Variants in LAMA4 observed in about 807,000 individuals in gnomAD.
The protein encoded by LAMA4 is laminin subunit alpha-4.
LAMA4 carries 127 observed loss-of-function variants against 207.1 expected under a neutral mutation model. The observed-to-expected ratio is 0.61, with a 90% CI of 0.53 to 0.71. The LOEUF is 0.71. LAMA4 is among the 30% of genes least tolerant of loss of function. LAMA4 has a pLI of 0.00. For missense variants in LAMA4, 2,093 were observed against 2,246.5 expected (o/e 0.93, Z 1.38); for synonymous variants, 761 against 816.0 (o/e 0.93, Z 1.15).
Position 112,174,484 on chromosome 6 carries a change from T to C in LAMA4, c.1357+829A>G, listed in dbSNP as rs532031544. The stretch of plus-strand genomic sequence containing the variant: ...TGGTTATTGTTTTAAATGAATACAT[T>C]TGGGGTGGTTTTTGTTTTGTTTTGT... On this transcript the variant is annotated intron_variant, in intron 11 of 38. Coordinates refer to ENST00000230538, the MANE Select transcript of LAMA4 (RefSeq NM_001105206.3). 1.2e-4 allele frequency among the ~76,000 whole-genome samples: 19 copies of C among 152,258 alleles called. No homozygotes were observed. The South Asian group carries it at 3.9e-3, about 32-fold the overall frequency.
rs781858392 is a variant in LAMA4 at position 112,148,244 on chromosome 6, C to T, written c.2266G>A (p.Ala756Thr). 1.2e-6 allele frequency: 2 copies of T among 1,614,156 alleles called. No homozygotes were observed. The highest frequency in any genetic ancestry group is 1.7e-5 in the Admixed American group (1 of 60,014). ...MEVQQATAPM[A>T]NNLTNWSQNL... ...TGTGACCAGTTGGTTAGATTGTTGG[C>T]CATGGGGGCAGTGGCCTGCTGCACC... The change falls in exon 18 of 39, where the codon GCC becomes ACC. Residue 756 changes from alanine to threonine, a missense_variant. Physicochemically the swap from Ala to Thr is moderately conservative, Grantham distance 58. Around this residue, in one of 3 missense-constraint regions of LAMA4, gnomAD observed 1,704 missense variants for 1,788.4 expected, o/e 0.95. Coordinates refer to ENST00000230538, the MANE Select transcript of LAMA4 (RefSeq NM_001105206.3).
intron 4 of LAMA4, among the ~76,000 whole-genome samples, chr6:112,204,504 A>T (rs1359953609): frequency 6.6e-6 from 1 of 151,684 alleles, no homozygotes; most frequent in African/African-American, 2.4e-5. Flanking sequence ...CTGCAGCTCG[A>T]CGCCTATAAA....
rs1554322440 is a variant in LAMA4, at chr6:112,114,160, C to A, written c.5242G>T (p.Asp1748Tyr). ...RDSNVVQLDV[D>Y]SEVNHVVGPL... ...CCAACCACATGGTTCACTTCAGAGT[C>A]CACATCCAACTGAACCACATTAGAA... The change falls in exon 38 of 39, where the codon GAC becomes TAC. Residue 1748 changes from aspartate to tyrosine, a missense_variant. Asp to Tyr is a radical substitution (Grantham distance 160). Coordinates refer to ENST00000230538, the MANE Select transcript of LAMA4 (RefSeq NM_001105206.3). 6 of 1,613,652 alleles carry A rather than the reference C, an allele frequency of 3.7e-6. No individual in the cohort carries two copies. Among genetic ancestry groups the A allele is most frequent in the Non-Finnish European group, 5.1e-6 (6 of 1,179,600 alleles).
At position 112,119,288 on chromosome 6, in the gene LAMA4, G is replaced by T. The variant is rs1554325276; in HGVS notation, c.4689C>A (p.Ser1563Arg). The T allele has an allele frequency of 3.1e-6, 5 of 1,613,934 alleles. No homozygotes were observed. In the South Asian group the frequency reaches 4.4e-5, roughly 14 times the overall value. Residue 1563 changes from serine (S) to arginine (R), a missense_variant, in exon 34 of 39, where the codon AGC (serine) becomes AGA (arginine). Physicochemically the swap from Ser to Arg is moderately radical, Grantham distance 110. Around this residue, in one of 3 missense-constraint regions of LAMA4, gnomAD observed 383 missense variants for 437.8 expected, o/e 0.87. Coordinates refer to ENST00000230538, the MANE Select transcript of LAMA4 (RefSeq NM_001105206.3). Reference sequence around the variant, plus strand: ...GACCATCAATTACCAGTCGGCCACTGCTCCTTTCTCGAATAAATATCACCT... The same window carrying T: ...GACCATCAATTACCAGTCGGCCACTTCTCCTTTCTCGAATAAATATCACCT... ...WHDVIFIRER[S>R]SGRLVIDGLR...
At position 112,120,367 on chromosome 6, in the gene LAMA4, G is replaced by T; in HGVS notation, c.4581C>A (p.Gly1527=). The change falls in exon 33 of 39, where the codon GGC becomes GGA. Residue 1527 remains glycine, a synonymous_variant. Transcript: ENST00000230538. ...CAACATTAAACATGTAAACCAAGCG[G>T]CCATGGGCCAAAAATAGAGTCATGA... is the stretch of plus-strand genomic sequence containing the variant. ...NDFMTLFLAH[G]RLVYMFNVGH... 1 of 1,613,942 alleles carries T rather than the reference G, an allele frequency of 6.2e-7. No individual in the cohort carries two copies. Among genetic ancestry groups the T allele is most frequent in the Non-Finnish European group, 8.5e-7 (1 of 1,179,940 alleles).
chr6:112,197,939 A>G (rs1447406056), intron 5 of LAMA4, among the ~76,000 whole-genome samples: 1 of 152,216 alleles, frequency 6.6e-6, no homozygotes, highest in Non-Finnish European at 1.5e-5. Context: ...TGTTTCAATG[A>G]ATGTTTTCCT....
intron 19 of LAMA4, among the ~76,000 whole-genome samples, chr6:112,143,115 A>T (rs908205877): frequency 3.2e-4 from 48 of 152,010 alleles, no homozygotes; most frequent in Non-Finnish European, 1.0e-4. Flanking sequence ...AAGTGTATGG[A>T]TTGTGTATAC....
chr6:112,249,319 T>C (rs1787246876), intron 2 of LAMA4, among the ~76,000 whole-genome samples: 1 of 151,824 alleles, frequency 6.6e-6, no homozygotes, highest in Non-Finnish European at 1.5e-5. Context: ...GGCATGTGCC[T>C]GTAATCCCAG....
At chr6:112,133,613 G>A in intron 26 of LAMA4, 126 bp from the exon 27 acceptor site, 1 of 1,207,982 alleles carries the variant, frequency 8.3e-7, no homozygotes. Context: ...ATATTCTCAT[G>A]CTTTCTTTGA....
chr6:112,139,982 C>T (rs1331858517), intron 22 of LAMA4, 97 bp from the exon 23 acceptor site: 3 of 1,219,432 alleles, frequency 2.5e-6, no homozygotes, highest in Non-Finnish European at 3.6e-6. Flanking sequence ...TCAAGGAGAC[C>T]TACCCCTTTG....
chr6:112,140,663 G>T, intron 22 of LAMA4, 97 bp downstream of exon 22: 1 of 1,131,628 alleles, frequency 8.8e-7, no homozygotes. Flanking sequence ...AGCTCTTAAA[G>T]TGATATCAGC....
At chr6:112,172,404 G>A in intron 12 of LAMA4, 2 of 574,796 alleles carry the variant, frequency 3.5e-6, no homozygotes, top group South Asian at 4.1e-5. Context: ...TCTTATCAAA[G>A]CAAGAACTAG....
intron 12 of LAMA4, 78 bp downstream of exon 12, chr6:112,172,533 T>A (rs879969384): frequency 4.8e-5 from 67 of 1,402,046 alleles, no homozygotes; most frequent in Non-Finnish European, 5.9e-5. Context: ...TTTAAAAAAA[T>A]TTATATCAAC....
chr6:112,161,951 C>A (rs1292697998), intron 13 of LAMA4: 2 of 152,196 alleles, frequency 1.3e-5, no homozygotes, highest in Non-Finnish European at 2.9e-5. Context: ...TGGGCCATGA[C>A]AAAATGAGCT....
intron 3 of LAMA4, among the ~76,000 whole-genome samples, chr6:112,210,673 T>G (rs868907037): frequency 1.2e-4 from 19 of 152,312 alleles, no homozygotes; most frequent in African/African-American, 4.3e-4. Flanking sequence ...AAGATGTTTC[T>G]TATATTTTGC....
At chr6:112,169,186 G>T (rs2114849946) in intron 12 of LAMA4, among the ~76,000 whole-genome samples, 1 of 152,274 alleles carries the variant, frequency 6.6e-6, no homozygotes, top group East Asian at 1.9e-4. Context: ...GGGGAGAGAA[G>T]CTGGGACCCT....
At chr6:112,153,172 G>C (rs1240039069) in intron 16 of LAMA4, among the ~76,000 whole-genome samples, 2 of 151,974 alleles carry the variant, frequency 1.3e-5, no homozygotes, top group Non-Finnish European at 2.9e-5. Context: ...ATAATGAAAA[G>C]GAAATTTGGG....
At chr6:112,122,386 A>G (rs1778416121) in intron 31 of LAMA4, among the ~76,000 whole-genome samples, 185 bp from the exon 32 acceptor site, 1 of 152,212 alleles carries the variant, frequency 6.6e-6, no homozygotes, top group Non-Finnish European at 1.5e-5. Context: ...CAGTAGCTGC[A>G]GCAGTAACAT....
At chr6:112,131,500 C>G (rs1159298723) in intron 28 of LAMA4, among the ~76,000 whole-genome samples, 1 of 152,066 alleles carries the variant, frequency 6.6e-6, no homozygotes, top group Non-Finnish European at 1.5e-5. Context: ...TTTTTAAAAT[C>G]TTTCACTTTT....
Sources: gnomAD v4.1 joint callset for allele counts (sites outside exome capture counted in the v4.1 genomes callset) on GRCh38, gnomAD v4.1.1 for gene constraint, gnomAD v4.1.1 regional missense constraint, MANE v1.5 for transcripts, NCBI Gene and HGNC (gene_info 2026-07-23, HGNC 2026-07-21) for gene names.